Variants in DDR2 observed in about 807,000 individuals in gnomAD.
The protein encoded by DDR2 is discoidin domain receptor tyrosine kinase 2, also known as discoidin domain-containing receptor 2.
A neutral mutation model predicts 94.9 loss-of-function variants in DDR2; 27 were observed. The observed-to-expected ratio is 0.28, with a 90% CI of 0.21 to 0.39. The LOEUF (loss-of-function observed/expected upper bound fraction) is 0.39, where lower values mean the gene tolerates loss of function less well. DDR2 is among the 10% of genes least tolerant of loss of function. The pLI is 1.00. For missense variants in DDR2, 783 were observed against 1,076.0 expected, an observed-to-expected ratio of 0.73 and a Z score of 3.81; for synonymous variants, 382 against 377.2, an observed-to-expected ratio of 1.01 and a Z score of -0.15.
intron 2 of DDR2, among the ~76,000 whole-genome samples, chr1:162,675,487 C>T (rs1207179166): frequency 6.6e-6 from 1 of 152,136 alleles, no homozygotes; most frequent in African/African-American, 2.4e-5. Context: ...GGCCTGTAGC[C>T]TGGAGGTGGC....
intron 2 of DDR2, among the ~76,000 whole-genome samples, chr1:162,710,147 C>T (rs79862123): frequency 6.6e-6 from 1 of 152,120 alleles, no homozygotes; most frequent in East Asian, 1.9e-4. Context: ...AATAAGATAG[C>T]CATCTAGCAC....
At chr1:162,709,945 C>T (rs1012675758) in intron 2 of DDR2, among the ~76,000 whole-genome samples, 2 of 152,170 alleles carry the variant, frequency 1.3e-5, no homozygotes, top group African/African-American at 4.8e-5. Flanking sequence ...ATTTTCTCTC[C>T]TTCTTCCTCC....
chr1:162,750,013 T>A (rs976659385), intron 3 of DDR2, among the ~76,000 whole-genome samples: 2 of 151,634 alleles, frequency 1.3e-5, no homozygotes, highest in African/African-American at 4.8e-5. Flanking sequence ...AAGAGCTATT[T>A]ATGACAAACG....
At chr1:162,667,064 A>G (rs1658618242) in intron 2 of DDR2, among the ~76,000 whole-genome samples, 2 of 151,520 alleles carry the variant, frequency 1.3e-5, no homozygotes, top group African/African-American at 2.4e-5. Context: ...CTATCTATCA[A>G]TCATCTATCT....
intron 16 of DDR2, among the ~76,000 whole-genome samples, chr1:162,776,860 T>G (rs547522368): frequency 6.6e-6 from 1 of 152,280 alleles, no homozygotes; most frequent in South Asian, 2.1e-4. Flanking sequence ...ATACCATAAG[T>G]GAGTAATTTT....
In DDR2 at chr1:162,755,811, TAAGA is replaced by T. The variant is rs377455650; in HGVS notation, c.671+48_671+51del. On this transcript the variant is annotated intron_variant, in intron 7 of 17. Coordinates refer to ENST00000367921, the MANE Select transcript of DDR2 (RefSeq NM_006182.4). The stretch of plus-strand genomic sequence containing the variant: ...TTTATTAGAATGGGAAATTGGCCAC[TAAGA>T]AAGAATAATATTTTATCATGTCTTG... 9.9e-4 allele frequency: 1,435 copies of T among 1,452,276 alleles called. 7 individuals carry two copies. The African/African-American group carries it at 0.017, about 18-fold the overall frequency. The allele number at this position is 1,452,276 out of a possible 1,614,324, so 90.0% of individuals were successfully genotyped here.
intron 3 of DDR2, among the ~76,000 whole-genome samples, chr1:162,722,241 A>C (rs1661457988): frequency 6.6e-6 from 1 of 152,202 alleles, no homozygotes; most frequent in South Asian, 2.1e-4. Context: ...AGTTTTGGCA[A>C]AGCAGGCAGT....
rs2298258 is a variant in DDR2, at chr1:162,767,326, C to T, written c.1260C>T (p.Leu420=). ...FILLAIIVII[L]WRQFWQKMLE... is the part of the protein sequence containing the mutation. ...TCCTGGCCATCATTGTCATCATCCT[C>T]TGGAGGCAGTTCTGGCAGAAAATGC... Residue 420 remains leucine, a synonymous_variant, in exon 11 of 18, where the codon CTC becomes CTT. Coordinates refer to ENST00000367921, the MANE Select transcript of DDR2 (RefSeq NM_006182.4). The T allele has an allele frequency of 1.9e-6, 3 of 1,613,784 alleles. No homozygotes were observed. Among genetic ancestry groups the T allele is most frequent in the Admixed American group, 3.3e-5 (2 of 59,990 alleles).
chr1:162,767,255 A>G lies in DDR2; in HGVS notation c.1189A>G (p.Asn397Asp), dbSNP rs1455116371. Residue 397 changes from asparagine (N) to aspartate (D), a missense_variant, in exon 11 of 18, where the codon AAC (asparagine) becomes GAC (aspartate). This residue lies in a region of DDR2 where 519 missense variants were observed against 647.9 expected (regional missense o/e 0.80). Transcript: ENST00000367921. ...TCCAATGCTTAAAGTTGATGACAGC[A>G]ACACTCGGATCCTGATTGGCTGCTT... The part of the protein sequence containing the change: ...YDPMLKVDDS[N>D]TRILIGCLVA... 1.9e-6 allele frequency: 3 copies of G among 1,614,090 alleles called. No individual in the cohort carries two copies. Among genetic ancestry groups the G allele is most frequent in the Middle Eastern group, 1.7e-4 (1 of 6,060 alleles).
At chr1:162,642,398 G>A (rs139246740) in intron 1 of DDR2, among the ~76,000 whole-genome samples, 2 of 150,402 alleles carry the variant, frequency 1.3e-5, no homozygotes, top group African/African-American at 2.4e-5. Flanking sequence ...TCAGCCTCCC[G>A]AGTAGCTGGG....
At chr1:162,773,053 G>C (rs1704765) in intron 13 of DDR2, among the ~76,000 whole-genome samples, 145,427 of 152,270 alleles carry the variant, frequency 0.96, 69,809 homozygotes, top group East Asian at 1. Context: ...GTTACTAATA[G>C]ACAGGAGTTT....
At chr1:162,721,360 G>C (rs1009176644) in intron 3 of DDR2, among the ~76,000 whole-genome samples, 1 of 152,142 alleles carries the variant, frequency 6.6e-6, no homozygotes, top group Non-Finnish European at 1.5e-5. Context: ...CTTTCTGACA[G>C]GGAAAGAGAA....
At chr1:162,648,323 C>T (rs1463768742) in intron 1 of DDR2, among the ~76,000 whole-genome samples, 1 of 152,126 alleles carries the variant, frequency 6.6e-6, no homozygotes, top group East Asian at 1.9e-4. Flanking sequence ...GGAACAGACA[C>T]TTGGCAGTCA....
intron 7 of DDR2, among the ~76,000 whole-genome samples, chr1:162,757,254 G>A (rs1343932397): frequency 1.3e-5 from 2 of 152,166 alleles, no homozygotes; most frequent in Non-Finnish European, 2.9e-5. Context: ...CATATAAGTT[G>A]TTATCTGATT....
intron 17 of DDR2, among the ~76,000 whole-genome samples, chr1:162,779,433 T>C (rs1647776200): frequency 6.6e-6 from 1 of 152,194 alleles, no homozygotes; most frequent in Non-Finnish European, 1.5e-5. Flanking sequence ...TTATGGTATC[T>C]TTACCAGGAA....
intron 8 of DDR2, 108 bp downstream of exon 8, chr1:162,760,087 A>G (rs974030078): frequency 6.1e-5 from 86 of 1,414,318 alleles, no homozygotes; most frequent in Admixed American, 4.9e-4. Context: ...GTTCAATGAC[A>G]TATTCTGTTA....
intron 1 of DDR2, among the ~76,000 whole-genome samples, chr1:162,640,764 T>C (rs768857740): frequency 2.0e-5 from 3 of 152,178 alleles, no homozygotes; most frequent in Non-Finnish European, 4.4e-5. Flanking sequence ...AAAAGACTAA[T>C]TCAATAGGTT....
chr1:162,731,761 T>A (rs1045762348), intron 3 of DDR2, among the ~76,000 whole-genome samples: 5 of 152,242 alleles, frequency 3.3e-5, no homozygotes, highest in Non-Finnish European at 4.4e-5. Flanking sequence ...GTATACATTA[T>A]GTTAACCTTG....
At chr1:162,742,050 A>G (rs940730243) in intron 3 of DDR2, among the ~76,000 whole-genome samples, 2 of 152,224 alleles carry the variant, frequency 1.3e-5, no homozygotes, top group African/African-American at 4.8e-5. Flanking sequence ...TTCACTTCTC[A>G]GAAAGTGGAA....
Sources: gnomAD v4.1 joint callset for allele counts (sites outside exome capture counted in the v4.1 genomes callset) on GRCh38, gnomAD v4.1.1 for gene constraint, gnomAD v4.1.1 regional missense constraint, MANE v1.5 for transcripts, NCBI Gene and HGNC (gene_info 2026-07-23, HGNC 2026-07-21) for gene names.